CHN2: variants seen among roughly 807,000 people sequenced by gnomAD.
CHN2 encodes chimerin 2.
In CHN2, 35 loss-of-function variants were observed where a neutral mutation model predicts 56.3. That is an observed-to-expected ratio of 0.62 (90% CI 0.47 to 0.82). The LOEUF (loss-of-function observed/expected upper bound fraction) is 0.82, where lower values mean the gene tolerates loss of function less well. Among genes scored for constraint, CHN2 ranks in the 40% least tolerant of loss-of-function variants. CHN2 has a pLI of 0.00. For missense variants in CHN2, 491 were observed against 580.5 expected, an observed-to-expected ratio of 0.85 and a Z score of 1.58; for synonymous variants, 210 against 212.8, an observed-to-expected ratio of 0.99 and a Z score of 0.12.
intron 3 of CHN2, among the ~76,000 whole-genome samples, chr7:29,380,300 T>G (rs1800395670): frequency 6.6e-6 from 1 of 151,658 alleles, no homozygotes; most frequent in Admixed American, 6.6e-5. Flanking sequence ...AAAAAAACCC[T>G]TACTATTTAT....
At chr7:29,396,459 C>CAAAAAA (rs35163855) in intron 4 of CHN2, among the ~76,000 whole-genome samples, 3 of 56,528 alleles carry the variant, frequency 5.3e-5, no homozygotes, top group Admixed American at 2.4e-4. Context: ...AGACTCTCTC[C>CAAAAAA]AAAAAAAAAA....
intron 6 of CHN2, among the ~76,000 whole-genome samples, chr7:29,473,488 G>GTA (rs1786329596): frequency 1.6e-5 from 1 of 62,240 alleles, no homozygotes; most frequent in Non-Finnish European, 3.2e-5. Flanking sequence ...TTTTTTGTGT[G>GTA]TGTGTGTGTG....
At chr7:29,269,428 A>G (rs1314715289) in intron 1 of CHN2, among the ~76,000 whole-genome samples, 3 of 152,198 alleles carry the variant, frequency 2.0e-5, no homozygotes, top group African/African-American at 7.2e-5. Flanking sequence ...TACGTGTACC[A>G]CATTTTCTTT....
chr7:29,355,029 C>T (rs925952640), intron 2 of CHN2, among the ~76,000 whole-genome samples: 5 of 151,432 alleles, frequency 3.3e-5, no homozygotes, highest in East Asian at 1.9e-4. Context: ...AGTGAAATGG[C>T]GCAATCTTGG....
At chr7:29,159,471 A>G (rs1794885811) in intron 2 of CHN2, among the ~76,000 whole-genome samples, 1 of 152,304 alleles carries the variant, frequency 6.6e-6, no homozygotes, top group East Asian at 1.9e-4. Context: ...ATGAAAACCT[A>G]TTATTTTTAA....
At chr7:29,473,078 A>AAGTGGTGGCAAGCGAGG (rs1302822582) in intron 6 of CHN2, among the ~76,000 whole-genome samples, 2 of 152,230 alleles carry the variant, frequency 1.3e-5, no homozygotes, top group Non-Finnish European at 2.9e-5. Flanking sequence ...CGAGGCTGGA[A>AAGTGGTGGCAAGCGAGG]AGGTGGCAGG....
In CHN2 at chr7:29,367,920, C is replaced by A. The variant is rs78081532; in HGVS notation, c.89-12C>A. 10 of 1,590,420 alleles carry A rather than the reference C, an allele frequency of 6.3e-6. No individual in the cohort carries two copies. The highest frequency in any genetic ancestry group is 8.6e-6 in the Non-Finnish European group (10 of 1,166,516). On this transcript the variant is annotated splice_polypyrimidine_tract_variant and intron_variant, in intron 2 of 12. Coordinates refer to ENST00000222792, the MANE Select transcript of CHN2 (RefSeq NM_004067.4). ...TAATTATTTCTCTCTCTCTCTCTCT[C>A]TTTTTTGGCAGTATATCAGTTACAG...
intron 6 of CHN2, among the ~76,000 whole-genome samples, chr7:29,475,050 A>C (rs1280948843): frequency 2.0e-5 from 3 of 152,090 alleles, no homozygotes; most frequent in Non-Finnish European, 2.9e-5. Flanking sequence ...ACAGACACCC[A>C]AAAGGGCTCC....
At chr7:29,304,213 G>A (rs1316161330) in intron 1 of CHN2, among the ~76,000 whole-genome samples, 1 of 152,236 alleles carries the variant, frequency 6.6e-6, no homozygotes, top group Non-Finnish European at 1.5e-5. Flanking sequence ...CCACGGTTTA[G>A]TAGAAGTACA....
At chr7:29,486,141 C>T (rs894854529) in intron 7 of CHN2, among the ~76,000 whole-genome samples, 5 of 152,094 alleles carry the variant, frequency 3.3e-5, no homozygotes, top group South Asian at 2.1e-4. Context: ...GGGAAACTCC[C>T]GATGGGAGGG....
intron 2 of CHN2, among the ~76,000 whole-genome samples, chr7:29,151,709 G>A (rs953215190): frequency 6.6e-6 from 1 of 152,164 alleles, no homozygotes; most frequent in South Asian, 2.1e-4. Context: ...TAGACCGATG[G>A]CATCTGAATC....
chr7:29,481,386 T>C (rs1410040776), intron 7 of CHN2, among the ~76,000 whole-genome samples: 1 of 152,252 alleles, frequency 6.6e-6, no homozygotes, highest in East Asian at 1.9e-4. Context: ...TTTTATTCTG[T>C]TGCTTTCCGA....
chr7:29,491,830 T>C (rs1788697934), intron 7 of CHN2, among the ~76,000 whole-genome samples: 1 of 152,234 alleles, frequency 6.6e-6, no homozygotes. Flanking sequence ...TTTCCCAAAT[T>C]AAGAGAACTT....
intron 6 of CHN2, among the ~76,000 whole-genome samples, chr7:29,403,852 G>T (rs748959107): frequency 2.0e-5 from 3 of 152,196 alleles, no homozygotes; most frequent in African/African-American, 7.2e-5. Flanking sequence ...TCCATAGATG[G>T]ATTATCTACT....
At position 29,402,226 on chromosome 7, in the gene CHN2, T is replaced by A. The variant is rs757617462; in HGVS notation, c.576+1398T>A. On this transcript the variant is annotated intron_variant, in intron 6 of 12. Coordinates refer to ENST00000222792, the MANE Select transcript of CHN2 (RefSeq NM_004067.4). ...CCCGTTGGTGGAGACAGGGATCATG[T>A]CAACTGATTTGCTGATTGAGCTTCA... Among the ~76,000 whole-genome samples the A allele has an allele frequency of 2.0e-5, 3 of 152,288 alleles. No homozygotes were observed. The East Asian group carries it at 5.8e-4, about 29-fold the overall frequency.
At chr7:29,479,948 C>T in intron 6 of CHN2, 1 of 1,445,334 alleles carries the variant, frequency 6.9e-7, no homozygotes, top group Non-Finnish European at 9.0e-7. Context: ...CCCCCTCCAT[C>T]ACTCAAACTG....
intron 1 of CHN2, among the ~76,000 whole-genome samples, chr7:29,325,320 G>A (rs1795713427): frequency 6.6e-6 from 1 of 152,186 alleles, no homozygotes; most frequent in Admixed American, 6.5e-5. Context: ...GAATTCATTT[G>A]GAGCAGTAGA....
At chr7:29,351,897 T>C (rs1478364193) in intron 1 of CHN2, among the ~76,000 whole-genome samples, 1 of 152,154 alleles carries the variant, frequency 6.6e-6, no homozygotes, top group Non-Finnish European at 1.5e-5. Flanking sequence ...ATCTCCAGTC[T>C]CTGCAGGCAG....
chr7:29,358,510 C>T (rs145024456), intron 2 of CHN2, among the ~76,000 whole-genome samples: 4,908 of 152,024 alleles, frequency 0.032, 116 homozygotes, highest in Non-Finnish European at 0.048. Flanking sequence ...TCACCCAGGC[C>T]GGACTGCGGT....
Sources: allele counts gnomAD v4.1 joint callset (sites outside exome capture counted in the v4.1 genomes callset), GRCh38; gene constraint gnomAD v4.1.1; transcripts MANE v1.5; gene names NCBI Gene and HGNC (gene_info 2026-07-23, HGNC 2026-07-21).